PLAGL1: variants seen among roughly 807,000 people sequenced by gnomAD.
PLAGL1 encodes the protein PLAG1 like zinc finger 1.
A neutral mutation model predicts 4.6 loss-of-function variants in PLAGL1; 1 was observed. The observed-to-expected ratio is 0.22, with a 90% CI of 0.08 to 1.03. PLAGL1 has a LOEUF of 1.03. Among genes scored for constraint, PLAGL1 ranks in the 50% least tolerant of loss-of-function variants. The probability of loss-of-function intolerance (pLI) is 0.58; values close to 1 mark genes in which losing one functional copy is unlikely to be tolerated. For synonymous variants in PLAGL1, 240 were observed against 237.8 expected (o/e 1.01, Z -0.08); for missense variants, 464 against 570.4 (o/e 0.81, Z 1.90).
rs1338142513 is a variant in PLAGL1 at position 144,006,719 on chromosome 6, T to C, written c.-584+1371A>G. On this transcript the variant is annotated intron_variant, in intron 1 of 7. Transcript: ENST00000674357. This position sits in a 1 kb window ranked among gnomAD's most constrained non-coding sequence, Gnocchi z 4.3. ...GGTAGGCATGAAGGCGGCATCCAGT[T>C]TTCTGCCATTACAGTCAACCTTCTT... 1.3e-5 allele frequency: 2 copies of C among 152,216 alleles called. No individual in the cohort carries two copies. The highest frequency in any genetic ancestry group is 2.9e-5 in the Non-Finnish European group (2 of 68,052). The allele number at this position is 152,216 out of a possible 1,614,324, so 9.4% of individuals were successfully genotyped here.
At chr6:143,943,026 G>C (rs1778977866) in intron 7 of PLAGL1, among the ~76,000 whole-genome samples, 1 of 13,642 alleles carries the variant, frequency 7.3e-5, no homozygotes, top group Non-Finnish European at 1.9e-4. Flanking sequence ...CACCAGGCCT[G>C]GCTAATTTTT....
rs59857186 is a variant in PLAGL1, at chr6:143,968,018, A to AAAAAAAT, written c.-472+888_-472+889insATTTTTT. ...TTTGCAAAAAAAAAAAAAAAAAAAA[A>AAAAAAAT]CAGTCTGGAGAGAGGCCAAGAGTTA... On this transcript the variant is annotated intron_variant, in intron 3 of 7. Coordinates refer to ENST00000674357, the MANE Select transcript of PLAGL1 (RefSeq NM_001317162.2). This position sits in a 1 kb window ranked among gnomAD's most constrained non-coding sequence, Gnocchi z 6.3. 1 of 143,660 alleles carries AAAAAAAT rather than the reference A, an allele frequency of 7.0e-6. No individual in the cohort carries two copies. Among genetic ancestry groups the AAAAAAAT allele is most frequent in the Non-Finnish European group, 1.5e-5 (1 of 65,218 alleles). 8.9% of individuals were successfully genotyped at this position (143,660 alleles called of 1,614,324 possible). A position where few individuals can be genotyped will look rare whatever the true frequency, so the allele number is the denominator to read the frequency against.
In PLAGL1 at chr6:144,063,719, C is replaced by A. The variant is rs1799612197; in HGVS notation, c.-151+749G>T. On this transcript the variant is annotated intron_variant, in intron 1 of 3. Transcript: ENST00000437412. The surrounding 1 kb of genome is among the most constrained non-coding windows in gnomAD (Gnocchi z 5.7). ...AACACTCGGGAAGCCCCAGGGGTAT[C>A]TCTGTCCTCGACACAGCAGGGGCCC... Among the ~76,000 whole-genome samples the A allele has an allele frequency of 6.6e-6, 1 of 152,194 alleles. No homozygotes were observed. Among genetic ancestry groups the A allele is most frequent in the South Asian group, 2.1e-4 (1 of 4,826 alleles).
upstream of PLAGL1, among the ~76,000 whole-genome samples, chr6:144,012,544 T>C (rs570459930): frequency 4.6e-5 from 7 of 152,294 alleles, 1 homozygote; most frequent in East Asian, 1.4e-3. This position sits in a 1 kb window ranked among gnomAD's most constrained non-coding sequence, Gnocchi z 4.8. Context: ...GATGATTTAG[T>C]ATTTTAATTT....
rs1780822099 is a variant in PLAGL1, at chr6:143,950,492, C to T, written c.-324-2032G>A. Among the ~76,000 whole-genome samples, 1 of 152,182 alleles carries T rather than the reference C, an allele frequency of 6.6e-6. No individual in the cohort carries two copies. The highest frequency in any genetic ancestry group is 2.4e-5 in the African/African-American group (1 of 41,448). ...ACCCAGCCTAAGTTTGGCCATAATA[C>T]CGGCCCAGCTATAAAACACACTCAT... is the stretch of plus-strand genomic sequence containing the variant. On this transcript the variant is annotated intron_variant, in intron 6 of 7. Coordinates refer to ENST00000674357, the MANE Select transcript of PLAGL1 (RefSeq NM_001317162.2). This position sits in a 1 kb window ranked among gnomAD's most constrained non-coding sequence, Gnocchi z 6.3.
intron 1 of PLAGL1, among the ~76,000 whole-genome samples, chr6:144,021,748 A>G (rs544257631): frequency 2.0e-5 from 3 of 152,360 alleles, no homozygotes; most frequent in African/African-American, 7.2e-5. Flanking sequence ...GAAATTCCAC[A>G]AAGAAATTAA....
At chr6:143,991,816 T>G (rs1244203922) in intron 1 of PLAGL1, among the ~76,000 whole-genome samples, 1 of 152,246 alleles carries the variant, frequency 6.6e-6, no homozygotes, top group Admixed American at 6.5e-5. Context: ...AAGGGCAGAC[T>G]GTGCCCTGTT....
intron 7 of PLAGL1, among the ~76,000 whole-genome samples, chr6:143,946,803 A>C (rs753343852): frequency 2.0e-5 from 3 of 152,220 alleles, no homozygotes; most frequent in Non-Finnish European, 4.4e-5. Flanking sequence ...ATTTCATGAA[A>C]TTAAGGGCAA....
chr6:144,031,824 G>T (rs949145467), intron 1 of PLAGL1, among the ~76,000 whole-genome samples: 1 of 152,102 alleles, frequency 6.6e-6, no homozygotes, highest in African/African-American at 2.4e-5. Flanking sequence ...TCTCGCTTTG[G>T]CTATGCAGGC....
intron 1 of PLAGL1, among the ~76,000 whole-genome samples, chr6:144,049,965 C>T (rs567044683): frequency 2.6e-5 from 4 of 151,916 alleles, no homozygotes; most frequent in South Asian, 2.1e-4. Context: ...TAAGATCCTT[C>T]GAAGCTGGAG....
upstream of PLAGL1, among the ~76,000 whole-genome samples, chr6:144,010,330 A>G (rs571814728): frequency 7.9e-5 from 12 of 152,332 alleles, no homozygotes; most frequent in African/African-American, 2.9e-4. This position sits in a 1 kb window ranked among gnomAD's most constrained non-coding sequence, Gnocchi z 4.1. Flanking sequence ...GAGAGCCAAC[A>G]CATGAGTGAA....
chr6:144,054,601 G>A (rs1186911919), intron 1 of PLAGL1, among the ~76,000 whole-genome samples: 1 of 152,150 alleles, frequency 6.6e-6, no homozygotes, highest in African/African-American at 2.4e-5. Context: ...CCTGTCAGGG[G>A]TCGGAGGCGA....
rs1794001856 is a variant in PLAGL1, at chr6:144,005,576, C to A, written c.-584+2514G>T. 6.6e-6 allele frequency: 1 copy of A among 152,030 alleles called. No homozygotes were observed. The highest frequency in any genetic ancestry group is 1.5e-5 in the Non-Finnish European group (1 of 67,978). The allele number at this position is 152,030 out of a possible 1,614,324, so 9.4% of individuals were successfully genotyped here. On this transcript the variant is annotated intron_variant, in intron 1 of 7. Coordinates refer to ENST00000674357, the MANE Select transcript of PLAGL1 (RefSeq NM_001317162.2). This position sits in a 1 kb window ranked among gnomAD's most constrained non-coding sequence, Gnocchi z 4.6. ...ATTAAAGAACAAAATGTGGACAAAA[C>A]ATAAACTTAAAAATTCTTAGAAAAA...
In PLAGL1 at chr6:143,997,342, A is replaced by G. The variant is rs987743138; in HGVS notation, c.-584+10748T>C. Among the ~76,000 whole-genome samples the G allele has an allele frequency of 1.3e-5, 2 of 152,230 alleles. No homozygotes were observed. Among genetic ancestry groups the G allele is most frequent in the African/African-American group, 4.8e-5 (2 of 41,470 alleles). On this transcript the variant is annotated intron_variant, in intron 1 of 7. Transcript: ENST00000674357. This position sits in a 1 kb window ranked among gnomAD's most constrained non-coding sequence, Gnocchi z 4.6. ...AAAAGACTTGTGAATGAGTATTCACAGCAGGTCTATTTGTAAGAACCCAAA... is the reference window on the plus strand; with the variant it reads ...AAAAGACTTGTGAATGAGTATTCACGGCAGGTCTATTTGTAAGAACCCAAA...
In PLAGL1 at chr6:143,942,108, A is replaced by G; in HGVS notation, c.708T>C (p.Ala236=). 6.2e-7 allele frequency: 1 copy of G among 1,614,074 alleles called. No homozygotes were observed. Among genetic ancestry groups the G allele is most frequent in the Non-Finnish European group, 8.5e-7 (1 of 1,179,906 alleles). The part of the protein sequence containing the change: ...HTISPSFQLK[A]AALPPFPLGA... ...CTAAAGGGAAAGGAGGCAAGGCAGCAGCCTTCAGTTGGAATGAAGGCGAGA... is the reference window on the plus strand; with the variant it reads ...CTAAAGGGAAAGGAGGCAAGGCAGCGGCCTTCAGTTGGAATGAAGGCGAGA... Residue 236 remains alanine, a synonymous_variant, in exon 8 of 8, where the codon GCT becomes GCC. Coordinates refer to ENST00000674357, the MANE Select transcript of PLAGL1 (RefSeq NM_001317162.2). The surrounding 1 kb of genome is among the most constrained non-coding windows in gnomAD (Gnocchi z 7.6).
In PLAGL1 at chr6:144,041,992, T is replaced by A. The variant is rs550831866; in HGVS notation, c.-151+22476A>T. 1.3e-3 allele frequency among the ~76,000 whole-genome samples: 205 copies of A among 152,352 alleles called. 2 individuals carry two copies. The highest frequency in any genetic ancestry group is 4.7e-3 in the African/African-American group (196 of 41,578). ...TGCATAAATGTCTTCTTTTGAGAAG[T>A]ATCTGTTCATATCCTTTGCCCACTT... is the stretch of plus-strand genomic sequence containing the variant. On this transcript the variant is annotated intron_variant, in intron 1 of 3. Transcript: ENST00000437412.
chr6:144,003,211 T>A (rs539083716), intron 1 of PLAGL1, among the ~76,000 whole-genome samples: 1 of 152,110 alleles, frequency 6.6e-6, no homozygotes, highest in East Asian at 1.9e-4. Context: ...GATGTCCATA[T>A]ACAAAATAAA....
rs147192063 is a variant in PLAGL1 at position 144,038,936 on chromosome 6, G to T, written c.-151+25532C>A. Among the ~76,000 whole-genome samples the T allele has an allele frequency of 9.6e-3, 1,460 of 152,310 alleles. 11 individuals are homozygous for T. The highest frequency in any genetic ancestry group is 0.024 in the Middle Eastern group (7 of 294). On this transcript the variant is annotated intron_variant, in intron 1 of 3. Coordinates refer to the PLAGL1 transcript ENST00000437412. The stretch of plus-strand genomic sequence containing the variant: ...AAAAGCCATTTTAAATGGGTGAATT[G>T]TATGATATGTGAACTATATCTCAGT...
rs1051681950 is a variant in PLAGL1 at position 143,974,728 on chromosome 6, G to A, written c.-543-5750C>T. ...CAGAAATATCTGTGAATTCCTTGAC[G>A]CAGTACTATGAAATAACCATTCCTC... On this transcript the variant is annotated intron_variant, in intron 2 of 7. Transcript: ENST00000674357. Among the ~76,000 whole-genome samples the A allele has an allele frequency of 2.6e-5, 4 of 152,240 alleles. No individual in the cohort carries two copies. In the East Asian group the frequency reaches 5.8e-4, roughly 22 times the overall value.
Sources: allele counts gnomAD v4.1 joint callset (sites outside exome capture counted in the v4.1 genomes callset), GRCh38; gene constraint gnomAD v4.1.1; non-coding constraint Gnocchi (gnomAD v3.1); transcripts MANE v1.5; gene names NCBI Gene and HGNC (gene_info 2026-07-23, HGNC 2026-07-21).